PCDH17: variants seen among roughly 807,000 people sequenced by gnomAD.
The protein encoded by PCDH17 is protocadherin 17.
In PCDH17, 21 loss-of-function variants were observed where a neutral mutation model predicts 67.7. That is an observed-to-expected ratio of 0.31 (90% confidence interval 0.22 to 0.45). PCDH17 has a LOEUF of 0.45. Ranked by LOEUF, PCDH17 falls within the 20% of genes least tolerant of loss-of-function variation. PCDH17 has a pLI of 1.00. For synonymous variants in PCDH17, 701 were observed against 656.7 expected, an observed-to-expected ratio of 1.07 and a Z score of -1.03; for missense variants, 1,471 against 1,564.8, an observed-to-expected ratio of 0.94 and a Z score of 1.01.
At chr13:57,668,167 G>A (rs140705650) in intron 3 of PCDH17, among the ~76,000 whole-genome samples, 2 of 151,806 alleles carry the variant, frequency 1.3e-5, no homozygotes, top group African/African-American at 4.8e-5. Context: ...TTTACTTGAC[G>A]TGACTTAAAT....
intron 3 of PCDH17, among the ~76,000 whole-genome samples, chr13:57,671,127 C>G (rs1473317857): frequency 6.6e-6 from 1 of 151,800 alleles, no homozygotes; most frequent in Non-Finnish European, 1.5e-5. Context: ...CCATACCCCC[C>G]TTTCATCCTT....
At chr13:57,641,577 AAAAAAAAAAAATATATATATATATAT>A (rs1419087853) in intron 1 of PCDH17, among the ~76,000 whole-genome samples, 4 of 77,556 alleles carry the variant, frequency 5.2e-5, no homozygotes, top group Non-Finnish European at 7.4e-5. Context: ...AAAAAAAAAA[AAAAAAAAAAAATATATATATATATAT>A]ATATATATAT....
chr13:57,649,700 A>G (rs1002673795), intron 1 of PCDH17, among the ~76,000 whole-genome samples: 1 of 152,196 alleles, frequency 6.6e-6, no homozygotes, highest in African/African-American at 2.4e-5. Flanking sequence ...CAATAATAGG[A>G]GAGCATATTG....
chr13:57,678,155 A>G (rs1156845825), intron 3 of PCDH17, among the ~76,000 whole-genome samples: 1 of 151,140 alleles, frequency 6.6e-6, no homozygotes, highest in Non-Finnish European at 1.5e-5. Flanking sequence ...ATATATATAT[A>G]TATATATCTC....
chr13:57,671,464 A>T (rs1955321559), intron 3 of PCDH17, among the ~76,000 whole-genome samples: 1 of 151,942 alleles, frequency 6.6e-6, no homozygotes, highest in Admixed American at 6.6e-5. Flanking sequence ...TTATGAAGCT[A>T]ATGTTTTCTT....
Position 57,715,617 on chromosome 13 carries a change from G to C in PCDH17, c.2798-8995G>C, listed in dbSNP as rs1955810509. Among the ~76,000 whole-genome samples the C allele has an allele frequency of 2.6e-5, 4 of 151,908 alleles. No individual in the cohort carries two copies. The South Asian group carries it at 8.3e-4, about 31-fold the overall frequency. On this transcript the variant is annotated intron_variant, in intron 3 of 3. Transcript: ENST00000377918. ...AAATTGGAAGTTTTTAAAATTTATTGTTCTTTATATGGTGTATCAAAAACC... is the reference window on the plus strand; with the variant it reads ...AAATTGGAAGTTTTTAAAATTTATTCTTCTTTATATGGTGTATCAAAAACC...
chr13:57,675,687 G>A (rs1425623001), intron 3 of PCDH17, among the ~76,000 whole-genome samples: 4 of 151,986 alleles, frequency 2.6e-5, no homozygotes, highest in African/African-American at 7.2e-5. Flanking sequence ...GCTGTGAGGT[G>A]CAGATGAGTA....
chr13:57,652,071 G>A (rs1378617367), intron 1 of PCDH17, among the ~76,000 whole-genome samples: 2 of 151,826 alleles, frequency 1.3e-5, no homozygotes, highest in Admixed American at 1.3e-4. Context: ...GAGGTCAGGA[G>A]ATCGAGACCA....
At position 57,725,198 on chromosome 13, in the gene PCDH17, G is replaced by T; in HGVS notation, c.3384G>T (p.Leu1128=). ...AGCTTGACCACCCCAACAGGGATCT[G>T]GGCAGAGAGTCTGTGGATGCAGAGG... ...LEQLDHPNRD[L]GRESVDAEEV... is the part of the protein sequence containing the mutation. Residue 1128 remains leucine (L), a synonymous_variant, in exon 4 of 4, where the codon CTG becomes CTT. Coordinates refer to ENST00000377918, the MANE Select transcript of PCDH17 (RefSeq NM_001040429.3). The T allele has an allele frequency of 6.2e-7, 1 of 1,614,112 alleles. No homozygotes were observed. Among genetic ancestry groups the T allele is most frequent in the South Asian group, 1.1e-5 (1 of 91,084 alleles).
rs375554370 is a variant in PCDH17 at position 57,633,751 on chromosome 13, G to A, written c.1205G>A (p.Gly402Asp). Residue 402 changes from glycine (G) to aspartate (D), a missense_variant, in exon 1 of 4, where the codon GGC becomes GAC. Physicochemically the swap from Gly to Asp is moderately conservative, Grantham distance 94 (BLOSUM62 -1). Transcript: ENST00000377918. The surrounding 1 kb of genome is among the most constrained non-coding windows in gnomAD (Gnocchi z 6.2). ...GGAGGAGGGACGGGCGGCGGCGGGG[G>A]CCTGGGCGGGCCCGGGGGTTCCGTC... ...LGGGGTGGGG[G>D]LGGPGGSVPF... 2.5e-6 allele frequency: 4 copies of A among 1,588,274 alleles called. No individual in the cohort carries two copies. The highest frequency in any genetic ancestry group is 2.3e-5 in the East Asian group (1 of 43,898).
intron 3 of PCDH17, among the ~76,000 whole-genome samples, chr13:57,713,184 T>G (rs1955790974): frequency 6.6e-6 from 1 of 151,682 alleles, no homozygotes; most frequent in African/African-American, 2.4e-5. Context: ...AATGCTTCAG[T>G]GTGTTTTAAT....
chr13:57,656,697 G>T (rs1395195135), intron 1 of PCDH17, among the ~76,000 whole-genome samples: 1 of 152,114 alleles, frequency 6.6e-6, no homozygotes, highest in East Asian at 1.9e-4. Context: ...GATAAGTCTG[G>T]CTGAGAGATA....
chr13:57,664,239 A>G (rs1769050836), intron 1 of PCDH17, among the ~76,000 whole-genome samples: 1 of 151,918 alleles, frequency 6.6e-6, no homozygotes, highest in Non-Finnish European at 1.5e-5. Flanking sequence ...GTTCTCTCCC[A>G]AACACCGTTC....
chr13:57,721,038 G>A (rs538497857), intron 3 of PCDH17, among the ~76,000 whole-genome samples: 1 of 152,134 alleles, frequency 6.6e-6, no homozygotes, highest in South Asian at 2.1e-4. Flanking sequence ...TAAACTAATA[G>A]TTTATAACTG....
chr13:57,645,826 C>A (rs1006475275), intron 1 of PCDH17, among the ~76,000 whole-genome samples: 1 of 151,200 alleles, frequency 6.6e-6, no homozygotes, highest in African/African-American at 2.4e-5. Context: ...GAGTGATGCA[C>A]TTCTGATGTT....
upstream of PCDH17, among the ~76,000 whole-genome samples, chr13:57,630,192 C>T (rs1954700555): frequency 6.6e-6 from 1 of 152,224 alleles, no homozygotes; most frequent in African/African-American, 2.4e-5. Flanking sequence ...GGAGACGCTA[C>T]TCCAACTGTT....
chr13:57,670,284 A>C (rs1380255066), intron 3 of PCDH17, among the ~76,000 whole-genome samples: 1 of 151,930 alleles, frequency 6.6e-6, no homozygotes, highest in Non-Finnish European at 1.5e-5. Context: ...TCAAGCACAC[A>C]TATAAATAAC....
intron 1 of PCDH17, among the ~76,000 whole-genome samples, chr13:57,647,969 A>G (rs931365869): frequency 3.3e-5 from 5 of 151,990 alleles, no homozygotes; most frequent in Admixed American, 2.6e-4. Flanking sequence ...GAAACTTTAT[A>G]GTTAAACTTA....
At chr13:57,635,924 C>T (rs1056531325) in intron 1 of PCDH17, among the ~76,000 whole-genome samples, 1 of 152,014 alleles carries the variant, frequency 6.6e-6, no homozygotes, top group Non-Finnish European at 1.5e-5. Context: ...GCTCATTTTG[C>T]GCTACTGAAA....
Sources: gnomAD v4.1 joint callset for allele counts (sites outside exome capture counted in the v4.1 genomes callset) on GRCh38, gnomAD v4.1.1 for gene constraint, Gnocchi (gnomAD v3.1) non-coding constraint, MANE v1.5 for transcripts, NCBI Gene and HGNC (gene_info 2026-07-23, HGNC 2026-07-21) for gene names.